The following HEATR5A variants were observed in gnomAD, a reference collection of about 807,000 sequenced individuals.
The protein encoded by HEATR5A is HEAT repeat containing 5A.
A neutral mutation model predicts 218.8 loss-of-function variants in HEATR5A; 178 were observed. That is an observed-to-expected ratio of 0.81 (90% confidence interval 0.72 to 0.92). The LOEUF (loss-of-function observed/expected upper bound fraction) is 0.92. Among genes scored for constraint, HEATR5A ranks in the 40% least tolerant of loss-of-function variants. The pLI, the probability that HEATR5A is intolerant of heterozygous loss-of-function variation, is 0.00. For missense variants in HEATR5A, 2,420 were observed against 2,418.9 expected, an observed-to-expected ratio of 1.00 and a Z score of -0.01; for synonymous variants, 864 against 871.6, an observed-to-expected ratio of 0.99 and a Z score of 0.15.
chr14:31,393,998 T>A, intron 6 of HEATR5A, 54 bp downstream of exon 6: 1 of 1,201,510 alleles, frequency 8.3e-7, no homozygotes, highest in Non-Finnish European at 1.1e-6. Context: ...TTTGTTTATA[T>A]CAACTGGGGA....
At chr14:31,369,871 T>C (rs1364385689) in intron 13 of HEATR5A, among the ~76,000 whole-genome samples, 7 of 149,794 alleles carry the variant, frequency 4.7e-5, no homozygotes, top group African/African-American at 1.5e-4. Flanking sequence ...GAGACGGAGG[T>C]TGCTGTGACC....
At chr14:31,393,146 A>T (rs976604227) in intron 6 of HEATR5A, among the ~76,000 whole-genome samples, 2 of 152,232 alleles carry the variant, frequency 1.3e-5, no homozygotes, top group African/African-American at 4.8e-5. Context: ...TAAAAAAAAG[A>T]AAATTCAGTA....
At chr14:31,404,983 G>C (rs962762360) in intron 1 of HEATR5A, among the ~76,000 whole-genome samples, 1 of 148,764 alleles carries the variant, frequency 6.7e-6, no homozygotes, top group Non-Finnish European at 1.5e-5. Context: ...CCAGTACTTT[G>C]AGAGGCCCAG....
intron 13 of HEATR5A, among the ~76,000 whole-genome samples, chr14:31,370,415 C>T (rs560704233): frequency 1.3e-5 from 2 of 152,036 alleles, no homozygotes; most frequent in Admixed American, 6.5e-5. Flanking sequence ...TAATGAGATA[C>T]CATTTTTTAC....
rs750339533 is a variant in HEATR5A, at chr14:31,345,291, A to C, written c.2869-15T>G. ...AATGCCCAGGTCTGTAATGACAAAG[A>C]AAAACAATTAAAAACATTACAGCAG... On this transcript the variant is annotated splice_polypyrimidine_tract_variant and intron_variant, in intron 19 of 35. Coordinates refer to ENST00000543095, the MANE Select transcript of HEATR5A (RefSeq NM_015473.4). 1 of 1,514,068 alleles carries C rather than the reference A, an allele frequency of 6.6e-7. No individual in the cohort carries two copies. Among genetic ancestry groups the C allele is most frequent in the Non-Finnish European group, 9.0e-7 (1 of 1,109,744 alleles). 93.8% of individuals were successfully genotyped at this position (1,514,068 alleles called of 1,614,324 possible).
chr14:31,374,718 CCT>C lies in HEATR5A; in HGVS notation c.1861+96_1861+97del, dbSNP rs1595150840. ...AAAAAAATCATTAGTGGCATATCCC[CCT>C]GCCTCGTGTTAAATAAAACATACAA... is the stretch of plus-strand genomic sequence containing the variant. On this transcript the variant is annotated intron_variant, in intron 12 of 35. Transcript: ENST00000543095. 88 of 1,140,556 alleles carry C rather than the reference CCT, an allele frequency of 7.7e-5. No homozygotes were observed. In the East Asian group the frequency reaches 2.2e-3, roughly 28 times the overall value. 70.7% of individuals were successfully genotyped at this position (1,140,556 alleles called of 1,614,324 possible).
rs1177829329 is a variant in HEATR5A, at chr14:31,347,868, G to C, written c.2748C>G (p.His916Gln). The change falls in exon 19 of 36, where the codon CAC becomes CAG. Residue 916 changes from histidine (H) to glutamine (Q), a missense_variant. Physicochemically the swap from His to Gln is conservative, Grantham distance 24. Coordinates refer to ENST00000543095, the MANE Select transcript of HEATR5A (RefSeq NM_015473.4). Reference sequence around the variant, plus strand: ...TATGTAGGGACCCCAAGGCCAATGAGTGTCCTGTTCTGGTAACCACATCCC... The same window carrying C: ...TATGTAGGGACCCCAAGGCCAATGACTGTCCTGTTCTGGTAACCACATCCC... ...SARDVVTRTG[H>Q]SLALGSLHRY... The C allele has an allele frequency of 6.4e-7, 1 of 1,573,590 alleles. No homozygotes were observed. The highest frequency in any genetic ancestry group is 8.6e-7 in the Non-Finnish European group (1 of 1,159,698).
chr14:31,327,286 CTTTTTTTT>C (rs71951930), intron 22 of HEATR5A, among the ~76,000 whole-genome samples: 5 of 45,164 alleles, frequency 1.1e-4, no homozygotes, highest in Non-Finnish European at 1.7e-4. Context: ...TCCAGTGGCA[CTTTTTTTT>C]TTTTTTTTTT....
At chr14:31,391,888 T>C (rs117122457) in intron 6 of HEATR5A, among the ~76,000 whole-genome samples, 247 of 152,320 alleles carry the variant, frequency 1.6e-3, no homozygotes, top group South Asian at 9.1e-3. Context: ...TAGTGTGCAG[T>C]AGGCTATACC....
intron 29 of HEATR5A, 91 bp downstream of exon 29, chr14:31,308,843 C>A (rs1566748610): frequency 8.8e-7 from 1 of 1,134,914 alleles, no homozygotes; most frequent in East Asian, 2.6e-5. Flanking sequence ...CCACTGTACT[C>A]CAGCCTGGGT....
In HEATR5A at chr14:31,357,433, C is replaced by T. The variant is rs181804788; in HGVS notation, c.2411+1204G>A. 4.0e-4 allele frequency among the ~76,000 whole-genome samples: 61 copies of T among 152,112 alleles called. 1 individual carries two copies. Among genetic ancestry groups the T allele is most frequent in the Non-Finnish European group, 5.9e-4 (40 of 67,988 alleles). ...TCTAGTCAAATGCATGGTTGTTGGT[C>T]GAGAGAGAGGAAATGAATGAATGAA... On this transcript the variant is annotated intron_variant, in intron 16 of 35. Transcript: ENST00000543095.
At chr14:31,390,407 T>C (rs1191422553) in intron 6 of HEATR5A, among the ~76,000 whole-genome samples, 1 of 152,138 alleles carries the variant, frequency 6.6e-6, no homozygotes, top group African/African-American at 2.4e-5. Flanking sequence ...GATTTATTAA[T>C]GTAAGCAAGA....
chr14:31,312,853 GCA>G, intron 28 of HEATR5A, 113 bp downstream of exon 28: 19 of 853,680 alleles, frequency 2.2e-5, no homozygotes, highest in South Asian at 3.6e-5. Context: ...AGCCAAAATT[GCA>G]CCATGGCACT....
intron 22 of HEATR5A, among the ~76,000 whole-genome samples, chr14:31,336,213 C>CATATATATATATATAT (rs371848651): frequency 1.1e-5 from 1 of 90,736 alleles, no homozygotes. Context: ...TATATACATA[C>CATATATATATATATAT]ATACATATAT....
At chr14:31,317,154 A>C (rs1171421843) in intron 26 of HEATR5A, among the ~76,000 whole-genome samples, 3 of 152,136 alleles carry the variant, frequency 2.0e-5, no homozygotes, top group Non-Finnish European at 4.4e-5. Context: ...TGAATAGTAA[A>C]AGCACTCAAC....
chr14:31,359,256 T>C (rs1206638386), intron 14 of HEATR5A, among the ~76,000 whole-genome samples, 199 bp from the exon 15 acceptor site: 1 of 150,280 alleles, frequency 6.7e-6, no homozygotes, highest in Non-Finnish European at 1.5e-5. Flanking sequence ...AGGTTAAGAA[T>C]GGATACTAAA....
intron 16 of HEATR5A, among the ~76,000 whole-genome samples, chr14:31,352,439 A>G (rs574410546): frequency 6.6e-6 from 1 of 152,288 alleles, no homozygotes; most frequent in South Asian, 2.1e-4. Context: ...TGTACTTTCA[A>G]TAATATCCCT....
intron 11 of HEATR5A, among the ~76,000 whole-genome samples, chr14:31,377,797 T>C (rs1163587526): frequency 6.7e-6 from 1 of 150,086 alleles, no homozygotes; most frequent in African/African-American, 2.5e-5. Flanking sequence ...AATAAGCAAA[T>C]GAATAAGAAT....
At chr14:31,334,427 A>G (rs944454594) in intron 22 of HEATR5A, 4 of 456,032 alleles carry the variant, frequency 8.8e-6, no homozygotes, top group Non-Finnish European at 1.8e-5. Context: ...CTGCAGATGG[A>G]ATCTACTCCT....
Sources: allele counts gnomAD v4.1 joint callset (sites outside exome capture counted in the v4.1 genomes callset), GRCh38; gene constraint gnomAD v4.1.1; transcripts MANE v1.5; gene names NCBI Gene and HGNC (gene_info 2026-07-23, HGNC 2026-07-21).